Variants in GFRAL observed in about 807,000 individuals in gnomAD.
The protein encoded by GFRAL is GDNF family receptor alpha like.
A neutral mutation model predicts 45.4 loss-of-function variants in GFRAL; 36 were observed. The observed-to-expected ratio is 0.79, with a 90% CI of 0.61 to 1.05. The LOEUF (loss-of-function observed/expected upper bound fraction) is 1.05. Ranked by LOEUF, GFRAL falls within the 50% of genes least tolerant of loss-of-function variation. GFRAL has a pLI of 0.00. For synonymous variants in GFRAL, 166 were observed against 154.1 expected, an observed-to-expected ratio of 1.08 and a Z score of -0.57; for missense variants, 507 against 467.5, an observed-to-expected ratio of 1.08 and a Z score of -0.78.
At chr6:55,338,332 T>C (rs1767917704) in intron 3 of GFRAL, among the ~76,000 whole-genome samples, 1 of 152,058 alleles carries the variant, frequency 6.6e-6, no homozygotes, top group African/African-American at 2.4e-5. Flanking sequence ...TCAGGTGATC[T>C]GCCAGCATCA....
chr6:55,363,707 GAT>G (rs1327143483), intron 6 of GFRAL, among the ~76,000 whole-genome samples: 2 of 150,038 alleles, frequency 1.3e-5, no homozygotes, highest in African/African-American at 4.9e-5. Context: ...TTGTTCTTGC[GAT>G]AGTTTACTGA....
intron 2 of GFRAL, among the ~76,000 whole-genome samples, chr6:55,332,876 G>A (rs967843630): frequency 1.3e-5 from 2 of 151,690 alleles, no homozygotes; most frequent in African/African-American, 4.8e-5. Flanking sequence ...TAAGTAAATA[G>A]AATAAACTGT....
At position 55,331,638 on chromosome 6, in the gene GFRAL, A is replaced by T. The variant is rs917026425; in HGVS notation, c.23-77A>T. 5.1e-6 allele frequency: 7 copies of T among 1,359,482 alleles called. No individual in the cohort carries two copies. In the African/African-American group the frequency reaches 8.8e-5, roughly 17 times the overall value. 84.2% of individuals were successfully genotyped at this position (1,359,482 alleles called of 1,614,324 possible). ...GTTATTTTCCATAATTCTGCTCTTT[A>T]TCATTAATAACTTAGATTTGAAGAA... On this transcript the variant is annotated intron_variant, in intron 1 of 8. Transcript: ENST00000340465.
chr6:55,347,414 G>T (rs1288664855), intron 3 of GFRAL, among the ~76,000 whole-genome samples: 1 of 152,134 alleles, frequency 6.6e-6, no homozygotes, highest in Non-Finnish European at 1.5e-5. Flanking sequence ...AAGGGTGGAA[G>T]ATGGTTTTGT....
intron 3 of GFRAL, among the ~76,000 whole-genome samples, chr6:55,348,452 C>T (rs761814342): frequency 6.6e-6 from 1 of 152,020 alleles, no homozygotes; most frequent in Non-Finnish European, 1.5e-5. Flanking sequence ...GCTACCATAA[C>T]GAAATACTAC....
In GFRAL at chr6:55,395,175, A is replaced by AATATAT. The variant is rs1234650477; in HGVS notation, c.953-3991_953-3986dup. 4.0e-3 allele frequency among the ~76,000 whole-genome samples: 488 copies of AATATAT among 123,444 alleles called. 10 individuals carry two copies. Among genetic ancestry groups the AATATAT allele is most frequent in the African/African-American group, 0.016 (461 of 28,908 alleles). The allele number at this position is 123,444 out of a possible 152,430, so 81.0% of individuals were successfully genotyped here. ...AATCAGCCTATGGAAAAAAAAAAAA[A>AATATAT]ATATATATATATATATATAAGCCAG... On this transcript the variant is annotated intron_variant, in intron 6 of 8. Coordinates refer to ENST00000340465, the MANE Select transcript of GFRAL (RefSeq NM_207410.2).
At chr6:55,333,731 G>C in intron 2 of GFRAL, 55 bp from the exon 3 acceptor site, 1 of 1,189,944 alleles carries the variant, frequency 8.4e-7, no homozygotes, top group Non-Finnish European at 1.1e-6. Context: ...TGGGGAGGAA[G>C]AATCCAAAAT....
chr6:55,369,431 C>T (rs1037330918), intron 6 of GFRAL, among the ~76,000 whole-genome samples: 1 of 152,220 alleles, frequency 6.6e-6, no homozygotes, highest in Non-Finnish European at 1.5e-5. Flanking sequence ...GAGCTGTAGA[C>T]CGGAGCTGTT....
At chr6:55,390,984 A>C (rs1768746165) in intron 6 of GFRAL, among the ~76,000 whole-genome samples, 1 of 152,030 alleles carries the variant, frequency 6.6e-6, no homozygotes, top group South Asian at 2.1e-4. Context: ...ATATATTTTT[A>C]CAGCAAAATA....
chr6:55,368,629 G>T (rs1014028624), intron 6 of GFRAL, among the ~76,000 whole-genome samples: 27 of 152,052 alleles, frequency 1.8e-4, no homozygotes, highest in Non-Finnish European at 3.2e-4. Context: ...TGGTGTGGAT[G>T]TCCTTTCTGT....
At chr6:55,350,878 A>G (rs1768107555) in intron 4 of GFRAL, among the ~76,000 whole-genome samples, 1 of 152,170 alleles carries the variant, frequency 6.6e-6, no homozygotes, top group Non-Finnish European at 1.5e-5. Flanking sequence ...GTGCAACAGA[A>G]CAAGAATCAT....
intron 6 of GFRAL, among the ~76,000 whole-genome samples, chr6:55,360,062 G>C (rs1424627973): frequency 6.6e-6 from 1 of 151,952 alleles, no homozygotes; most frequent in Non-Finnish European, 1.5e-5. Context: ...TTAATTTAGG[G>C]ACAAGAAAAT....
intron 3 of GFRAL, among the ~76,000 whole-genome samples, chr6:55,349,882 G>T (rs577527814): frequency 5.3e-5 from 8 of 151,638 alleles, no homozygotes; most frequent in Middle Eastern, 3.4e-3. Context: ...GGGCTGTATA[G>T]CTCACTTGAA....
chr6:55,356,606 T>G, intron 5 of GFRAL, among the ~76,000 whole-genome samples: 1 of 151,916 alleles, frequency 6.6e-6, no homozygotes, highest in East Asian at 1.9e-4. Context: ...TTTCTTTTTA[T>G]TAGCCTAGCT....
At chr6:55,343,743 G>GT (rs1288628611) in intron 3 of GFRAL, among the ~76,000 whole-genome samples, 3 of 152,100 alleles carry the variant, frequency 2.0e-5, no homozygotes, top group African/African-American at 7.2e-5. Context: ...CCAGTAACTG[G>GT]TTTTTTGAAA....
chr6:55,331,985 C>G (rs1767835439), intron 2 of GFRAL, 136 bp downstream of exon 2: 1 of 744,882 alleles, frequency 1.3e-6, no homozygotes, highest in Non-Finnish European at 2.1e-6. Flanking sequence ...CATCGATTCA[C>G]TTTTAATCAT....
intron 3 of GFRAL, among the ~76,000 whole-genome samples, chr6:55,348,693 C>T (rs1768078171): frequency 6.6e-6 from 1 of 152,026 alleles, no homozygotes; most frequent in Admixed American, 6.6e-5. Context: ...TAATCCTATT[C>T]GATCAGGGCC....
chr6:55,396,566 A>G (rs2127367090), intron 6 of GFRAL, among the ~76,000 whole-genome samples: 2 of 152,028 alleles, frequency 1.3e-5, no homozygotes, highest in Admixed American at 1.3e-4. Flanking sequence ...TTTTTAAAAA[A>G]GGCCATAGAA....
intron 6 of GFRAL, among the ~76,000 whole-genome samples, chr6:55,390,895 TACACAC>T (rs34769114): frequency 1.1e-3 from 152 of 135,608 alleles, no homozygotes; most frequent in East Asian, 4.7e-3. Flanking sequence ...CTCACACACA[TACACAC>T]ACACACACAC....
Sources: gnomAD v4.1 joint callset for allele counts (sites outside exome capture counted in the v4.1 genomes callset) on GRCh38, gnomAD v4.1.1 for gene constraint, MANE v1.5 for transcripts, NCBI Gene and HGNC (gene_info 2026-07-23, HGNC 2026-07-21) for gene names.